The following GPR149 variants were observed in gnomAD, a reference collection of about 807,000 sequenced individuals.
The protein encoded by GPR149 is probable G protein-coupled receptor 149.
A neutral mutation model predicts 50.2 loss-of-function variants in GPR149; 50 were observed. The ratio of observed to expected loss-of-function variants is 1.00; its 90% confidence interval spans 0.79 to 1.26. GPR149 has a LOEUF of 1.26. Among genes scored for constraint, GPR149 ranks in the 50% most tolerant of loss-of-function variants. The pLI is 0.00. For synonymous variants in GPR149, 405 were observed against 358.2 expected, an observed-to-expected ratio of 1.13 and a Z score of -1.48; for missense variants, 983 against 895.4, an observed-to-expected ratio of 1.10 and a Z score of -1.25.
chr3:154,412,656 C>T (rs1254565037), intron 3 of GPR149, among the ~76,000 whole-genome samples: 2 of 152,022 alleles, frequency 1.3e-5, no homozygotes, highest in African/African-American at 4.8e-5. Context: ...TCATAGATGA[C>T]ACAAGCAAAT....
At position 154,429,245 on chromosome 3, in the gene GPR149, G is replaced by C. The variant is rs187242792; in HGVS notation, c.371C>G (p.Thr124Ser). 7.4e-6 allele frequency: 12 copies of C among 1,614,214 alleles called. No individual in the cohort carries two copies. The highest frequency in any genetic ancestry group is 1.0e-5 in the Non-Finnish European group (12 of 1,180,040). Residue 124 changes from threonine (T) to serine (S), a missense_variant, in exon 1 of 4, where the codon ACT (threonine) becomes AGT (serine). Transcript: ENST00000389740. Reference sequence around the variant, plus strand: ...ATAAAAGTTGTAAGAGACTAGGAGAGTCGCCTTCAAGTTGCTAGAGAGGCC... The same window carrying C: ...ATAAAAGTTGTAAGAGACTAGGAGACTCGCCTTCAAGTTGCTAGAGAGGCC... ...CQGLSSNLKA[T>S]LLVSYNFYTM... is the part of the protein sequence containing the mutation.
Position 154,336,600 on chromosome 3 carries a change from A to G in GPR149, c.*1099T>C, listed in dbSNP as rs1713660928. 2 of 152,118 alleles carry G rather than the reference A, an allele frequency of 1.3e-5. No individual in the cohort carries two copies. Among genetic ancestry groups the G allele is most frequent in the Non-Finnish European group, 1.5e-5 (1 of 67,950 alleles). The allele number at this position is 152,118 out of a possible 1,614,324, so 9.4% of individuals were successfully genotyped here. ...TTCCTGCATTTTTGCAATGTAATGC[A>G]TTCTAGAATTATCTTGAAATGTATA... On this transcript the variant is annotated 3_prime_UTR_variant, in exon 4 of 4. Transcript: ENST00000389740.
intron 3 of GPR149, among the ~76,000 whole-genome samples, chr3:154,387,286 A>C (rs1715065276): frequency 6.6e-6 from 1 of 152,158 alleles, no homozygotes; most frequent in Non-Finnish European, 1.5e-5. Flanking sequence ...ACACTTTTGC[A>C]CAAACTGTAG....
chr3:154,367,112 G>A (rs1714547747), intron 3 of GPR149, among the ~76,000 whole-genome samples: 1 of 152,126 alleles, frequency 6.6e-6, no homozygotes, highest in African/African-American at 2.4e-5. Flanking sequence ...TCTGAGAGGA[G>A]GTTCCAGCTG....
intron 3 of GPR149, among the ~76,000 whole-genome samples, chr3:154,383,212 T>A (rs1215758781): frequency 1.3e-5 from 2 of 152,184 alleles, no homozygotes; most frequent in Non-Finnish European, 2.9e-5. Context: ...TTAAATGAGT[T>A]GACCCAGCTG....
Position 154,421,217 on chromosome 3 carries a change from T to C in GPR149, c.1445A>G (p.Lys482Arg). The C allele has an allele frequency of 1.2e-6, 2 of 1,613,580 alleles. No individual in the cohort carries two copies. The highest frequency in any genetic ancestry group is 1.6e-4 in the Middle Eastern group (1 of 6,062). The change falls in exon 3 of 4, where the codon AAA (lysine) becomes AGA (arginine). Residue 482 changes from lysine (K) to arginine (R), a missense_variant. Transcript: ENST00000389740. ...ATCCTTTTTGTTGTTGGAATCCTGTTTAGCTTCTGTAATATCAGTATTTGT... is the reference window on the plus strand; with the variant it reads ...ATCCTTTTTGTTGTTGGAATCCTGTCTAGCTTCTGTAATATCAGTATTTGT... ...KCTNTDITEA[K>R]QDSNNKKDAF...
intron 3 of GPR149, among the ~76,000 whole-genome samples, chr3:154,357,263 T>C (rs1300156734): frequency 6.6e-6 from 1 of 152,094 alleles, no homozygotes; most frequent in African/African-American, 2.4e-5. Context: ...ATTCAGGACA[T>C]AGGCATGGGC....
Position 154,344,008 on chromosome 3 carries a change from G to GA in GPR149, c.1624-5738dup, listed in dbSNP as rs1713865164. Among the ~76,000 whole-genome samples the GA allele has an allele frequency of 4.6e-5, 7 of 151,888 alleles. No homozygotes were observed. In the South Asian group the frequency reaches 1.5e-3, roughly 32 times the overall value. On this transcript the variant is annotated intron_variant, in intron 3 of 3. Coordinates refer to ENST00000389740, the MANE Select transcript of GPR149 (RefSeq NM_001038705.3). Reference sequence around the variant, plus strand: ...CCCCCCAAAAAAAAAGAAAGAAAAAGAAAAAATGTAGAGAATGGCACTCAT... The same window carrying GA: ...CCCCCCAAAAAAAAAGAAAGAAAAAGAAAAAAATGTAGAGAATGGCACTCAT...
intron 3 of GPR149, chr3:154,354,047 G>C (rs1025507843): frequency 2.2e-6 from 1 of 446,810 alleles, no homozygotes; most frequent in Non-Finnish European, 4.3e-6. Flanking sequence ...TTTCCATTTG[G>C]TAGATCTTTT....
chr3:154,427,765 G>A, intron 1 of GPR149, 57 bp from the exon 2 acceptor site: 1 of 1,486,642 alleles, frequency 6.7e-7, no homozygotes, highest in Non-Finnish European at 9.1e-7. Context: ...TACTTCTCAA[G>A]CCTTTTCTCC....
At position 154,413,613 on chromosome 3, in the gene GPR149, A is replaced by C. The variant is rs538099985; in HGVS notation, c.1623+7426T>G. On this transcript the variant is annotated intron_variant, in intron 3 of 3. Coordinates refer to ENST00000389740, the MANE Select transcript of GPR149 (RefSeq NM_001038705.3). Reference sequence around the variant, plus strand: ...CTAAATCACAATGCAATGCCACCTCACATTTGCAAGAATGGCCATGATTAT... The same window carrying C: ...CTAAATCACAATGCAATGCCACCTCCCATTTGCAAGAATGGCCATGATTAT... 1.9e-3 allele frequency among the ~76,000 whole-genome samples: 289 copies of C among 149,552 alleles called. 1 individual carries two copies. The highest frequency in any genetic ancestry group is 6.8e-3 in the African/African-American group (277 of 40,562).
intron 3 of GPR149, among the ~76,000 whole-genome samples, chr3:154,404,243 C>T (rs1375989551): frequency 6.6e-6 from 1 of 152,090 alleles, no homozygotes; most frequent in East Asian, 1.9e-4. Flanking sequence ...GTGTGGTGGT[C>T]ACTCACTGTT....
At chr3:154,425,774 A>T (rs1034989706) in intron 2 of GPR149, among the ~76,000 whole-genome samples, 1 of 152,168 alleles carries the variant, frequency 6.6e-6, no homozygotes, top group East Asian at 1.9e-4. Flanking sequence ...CTGTGATATG[A>T]GTGTGACTGT....
intron 3 of GPR149, among the ~76,000 whole-genome samples, chr3:154,407,685 CAT>C (rs1350543927): frequency 1.5e-5 from 2 of 134,592 alleles, no homozygotes; most frequent in Non-Finnish European, 3.1e-5. Context: ...GTGTATATGT[CAT>C]GTGTATACAC....
At chr3:154,422,120 A>G (rs1712164994) in intron 2 of GPR149, among the ~76,000 whole-genome samples, 1 of 151,640 alleles carries the variant, frequency 6.6e-6, no homozygotes, top group Admixed American at 6.6e-5. Flanking sequence ...AATTAGATGG[A>G]TTAATATTTT....
At chr3:154,348,909 A>G (rs1001941925) in intron 3 of GPR149, among the ~76,000 whole-genome samples, 1 of 152,178 alleles carries the variant, frequency 6.6e-6, no homozygotes, top group Non-Finnish European at 1.5e-5. Context: ...AATTTAAAGG[A>G]AACACAATTA....
intron 3 of GPR149, among the ~76,000 whole-genome samples, chr3:154,374,741 T>C (rs953600915): frequency 3.3e-5 from 5 of 152,150 alleles, no homozygotes; most frequent in Admixed American, 6.5e-5. Flanking sequence ...AAGGGAGGAT[T>C]GAAAAGCAGT....
At chr3:154,372,044 T>G (rs1410492190) in intron 3 of GPR149, among the ~76,000 whole-genome samples, 1 of 149,438 alleles carries the variant, frequency 6.7e-6, no homozygotes, top group South Asian at 2.1e-4. Context: ...ACACCACAAC[T>G]GCAGGGCCCC....
intron 3 of GPR149, among the ~76,000 whole-genome samples, chr3:154,362,479 C>A (rs1294079906): frequency 6.6e-6 from 1 of 152,038 alleles, no homozygotes; most frequent in Non-Finnish European, 1.5e-5. Context: ...AGCTGAAACA[C>A]TTAAAAACTA....
Sources: allele counts gnomAD v4.1 joint callset (sites outside exome capture counted in the v4.1 genomes callset), GRCh38; gene constraint gnomAD v4.1.1; transcripts MANE v1.5; gene names NCBI Gene and HGNC (gene_info 2026-07-23, HGNC 2026-07-21).